TANC1: variants seen among roughly 807,000 people sequenced by gnomAD.
TANC1 encodes the protein protein TANC1.
In TANC1, 77 loss-of-function variants were observed where a neutral mutation model predicts 149.7. The ratio of observed to expected loss-of-function variants is 0.51; its 90% CI spans 0.43 to 0.62. The LOEUF is 0.62. TANC1 is among the 20% of genes least tolerant of loss of function. The probability of loss-of-function intolerance (pLI) is 0.00; values close to 1 mark genes in which losing one functional copy is unlikely to be tolerated. For missense variants in TANC1, 1,985 were observed against 2,321.8 expected, an observed-to-expected ratio of 0.85 and a Z score of 2.98; for synonymous variants, 854 against 925.0, an observed-to-expected ratio of 0.92 and a Z score of 1.39.
At chr2:159,043,887 T>C (rs2040844864) in intron 2 of TANC1, among the ~76,000 whole-genome samples, 2 of 152,182 alleles carry the variant, frequency 1.3e-5, no homozygotes, top group Admixed American at 6.5e-5. Flanking sequence ...TAAGGAAACA[T>C]TTACAGGTTG....
intron 22 of TANC1, among the ~76,000 whole-genome samples, chr2:159,222,890 G>A (rs1268251208): frequency 2.0e-5 from 3 of 151,976 alleles, no homozygotes; most frequent in Admixed American, 1.3e-4. Flanking sequence ...GTTCCACATC[G>A]TCACCAATAC....
intron 14 of TANC1, among the ~76,000 whole-genome samples, chr2:159,181,915 G>A (rs1162333158): frequency 6.6e-6 from 1 of 152,132 alleles, no homozygotes; most frequent in African/African-American, 2.4e-5. Flanking sequence ...AATAGTTTGA[G>A]TCTGGCCGGG....
chr2:159,155,346 G>C (rs2053309008), intron 7 of TANC1, among the ~76,000 whole-genome samples: 1 of 152,226 alleles, frequency 6.6e-6, no homozygotes, highest in African/African-American at 2.4e-5. Flanking sequence ...TTCTGGCTGA[G>C]GGAGGGGCCG....
Position 159,105,308 on chromosome 2 carries a change from TA to T in TANC1, c.259+7481del, listed in dbSNP as rs201293665. On this transcript the variant is annotated intron_variant, in intron 4 of 26. Transcript: ENST00000263635. ...CCCGCCCGGCCAGATACTTACTTTT[TA>T]AAAAAATTAGCATGTTATAATTTGT... 3.4e-4 allele frequency among the ~76,000 whole-genome samples: 51 copies of T among 152,230 alleles called. No homozygotes were observed. The South Asian group carries it at 9.8e-3, about 29-fold the overall frequency.
intron 4 of TANC1, among the ~76,000 whole-genome samples, chr2:159,129,412 A>T (rs886252500): frequency 2.0e-5 from 3 of 152,132 alleles, no homozygotes; most frequent in African/African-American, 7.2e-5. Flanking sequence ...CTATTTGGAG[A>T]TTTATGTAAA....
intron 3 of TANC1, among the ~76,000 whole-genome samples, chr2:159,087,185 G>A (rs774713720): frequency 1.6e-4 from 24 of 152,282 alleles, no homozygotes; most frequent in South Asian, 8.3e-4. Context: ...TGGAAGAGGG[G>A]CAGTTGAGTG....
At chr2:159,194,114 A>G in intron 16 of TANC1, 143 bp from the exon 17 acceptor site, 2 of 688,574 alleles carry the variant, frequency 2.9e-6, no homozygotes, top group East Asian at 2.5e-5. Flanking sequence ...CATTGTTAAT[A>G]TATTCCCAGG....
intron 7 of TANC1, among the ~76,000 whole-genome samples, chr2:159,160,288 A>G (rs181795031): frequency 2.0e-4 from 30 of 152,310 alleles, no homozygotes; most frequent in African/African-American, 7.0e-4. Flanking sequence ...TAAGGCAACT[A>G]TAAACATTAG....
At chr2:159,057,502 C>T (rs765449076) in intron 2 of TANC1, among the ~76,000 whole-genome samples, 1 of 152,156 alleles carries the variant, frequency 6.6e-6, no homozygotes, top group Admixed American at 6.5e-5. Flanking sequence ...AGGTTGTAAC[C>T]CAATTTCTGC....
chr2:159,117,719 T>A (rs1380013950), intron 4 of TANC1, among the ~76,000 whole-genome samples: 1 of 126,488 alleles, frequency 7.9e-6, no homozygotes, highest in Non-Finnish European at 1.8e-5. Context: ...TTTTTTTTTT[T>A]TTTTTTTTTT....
intron 1 of TANC1, among the ~76,000 whole-genome samples, chr2:158,979,135 G>A (rs2034014757): frequency 6.6e-6 from 1 of 152,144 alleles, no homozygotes; most frequent in African/African-American, 2.4e-5. Flanking sequence ...TAGAATTCAT[G>A]ATTAAGGTGA....
At chr2:159,108,398 T>G (rs894962567) in intron 4 of TANC1, among the ~76,000 whole-genome samples, 2 of 152,216 alleles carry the variant, frequency 1.3e-5, no homozygotes, top group African/African-American at 4.8e-5. Context: ...AGTCACACTT[T>G]ACAGCAGTGT....
rs543439097 is a variant in TANC1 at position 159,029,567 on chromosome 2, C to T, written c.-16+28378C>T. ...TTAGTATTTCTTGCTTAACTAATGC[C>T]TTATAATTATTTTTTAGAGACAGTC... On this transcript the variant is annotated intron_variant, in intron 2 of 26. Coordinates refer to ENST00000263635, the MANE Select transcript of TANC1 (RefSeq NM_033394.3). Among the ~76,000 whole-genome samples the T allele has an allele frequency of 3.1e-3, 475 of 152,160 alleles. 1 individual carries two copies. The highest frequency in any genetic ancestry group is 0.011 in the African/African-American group (442 of 41,506).
intron 4 of TANC1, among the ~76,000 whole-genome samples, chr2:159,113,154 A>C (rs982286609): frequency 6.6e-6 from 1 of 151,680 alleles, no homozygotes; most frequent in East Asian, 1.9e-4. Flanking sequence ...TGTTGCCTTC[A>C]GCCATATTGC....
intron 2 of TANC1, among the ~76,000 whole-genome samples, chr2:159,028,274 C>A (rs1288799105): frequency 2.6e-5 from 4 of 152,188 alleles, no homozygotes; most frequent in African/African-American, 9.7e-5. Flanking sequence ...GCACACACCA[C>A]CACACTTGGC....
Position 159,056,169 on chromosome 2 carries a change from C to T in TANC1, c.-15-9727C>T, listed in dbSNP as rs556036817. 394 of 239,990 alleles carry T rather than the reference C, an allele frequency of 1.6e-3. 4 individuals carry two copies. Among genetic ancestry groups the T allele is most frequent in the South Asian group, 9.2e-3 (138 of 14,966 alleles). The allele number at this position is 239,990 out of a possible 1,614,324, so 14.9% of individuals were successfully genotyped here. A position where few individuals can be genotyped will look rare whatever the true frequency, so the allele number is the denominator to read the frequency against. ...TCAAACATGCACTTTTGATCCAGGACGTCATAGATGGGAAAATCCACAAAG... is the reference window on the plus strand; with the variant it reads ...TCAAACATGCACTTTTGATCCAGGATGTCATAGATGGGAAAATCCACAAAG... On this transcript the variant is annotated intron_variant, in intron 2 of 26. Transcript: ENST00000263635.
In TANC1 at chr2:159,150,224, A is replaced by G. The variant is rs147259010; in HGVS notation, c.496-146A>G. 631 of 614,388 alleles carry G rather than the reference A, an allele frequency of 1.0e-3. 5 individuals carry two copies. The African/African-American group carries it at 0.01, about 10-fold the overall frequency. 38.1% of individuals were successfully genotyped at this position (614,388 alleles called of 1,614,324 possible). On this transcript the variant is annotated intron_variant, in intron 6 of 26. Coordinates refer to ENST00000263635, the MANE Select transcript of TANC1 (RefSeq NM_033394.3). Reference sequence around the variant, plus strand: ...TATAGATAAAGCTCCATGAATCCATATCTATACACACATATCTCTTTAGAT... The same window carrying G: ...TATAGATAAAGCTCCATGAATCCATGTCTATACACACATATCTCTTTAGAT...
intron 6 of TANC1, 58 bp downstream of exon 6, chr2:159,149,330 A>G: frequency 1.9e-6 from 3 of 1,608,640 alleles, no homozygotes; most frequent in Non-Finnish European, 2.6e-6. Flanking sequence ...ACGAAGCAAT[A>G]ACCATCTTCT....
chr2:159,213,298 A>G (rs1044862387), intron 19 of TANC1, among the ~76,000 whole-genome samples: 1 of 152,150 alleles, frequency 6.6e-6, no homozygotes, highest in African/African-American at 2.4e-5. Flanking sequence ...TCATCGTGGC[A>G]GGAAGAGACT....
Sources: allele counts gnomAD v4.1 joint callset (sites outside exome capture counted in the v4.1 genomes callset), GRCh38; gene constraint gnomAD v4.1.1; transcripts MANE v1.5; gene names NCBI Gene and HGNC (gene_info 2026-07-23, HGNC 2026-07-21).